The following UGT1A5 variants were observed in gnomAD, a reference collection of about 807,000 sequenced individuals.
The protein encoded by UGT1A5 is UDP glucuronosyltransferase family 1 member A5, also known as UDP-glucuronosyltransferase 1A5.
UGT1A5 carries 29 observed loss-of-function variants against 40.3 expected under a neutral mutation model. That is an observed-to-expected ratio of 0.72 (90% confidence interval 0.54 to 0.98). The LOEUF (loss-of-function observed/expected upper bound fraction) is 0.98, where lower values mean the gene tolerates loss of function less well. Ranked by LOEUF, UGT1A5 falls within the 50% of genes least tolerant of loss-of-function variation. The pLI is 0.00. For missense variants in UGT1A5, 678 were observed against 677.9 expected (o/e 1.00, Z 0.00); for synonymous variants, 257 against 262.5 (o/e 0.98, Z 0.20).
rs1692921739 is a variant in UGT1A5 at position 233,744,781 on chromosome 2, G to GA, written c.868-22248dup. Among the ~76,000 whole-genome samples the GA allele has an allele frequency of 2.0e-5, 3 of 151,856 alleles. No individual in the cohort carries two copies. The South Asian group carries it at 6.2e-4, about 31-fold the overall frequency. On this transcript the variant is annotated intron_variant, in intron 1 of 4. Coordinates refer to ENST00000373414, the MANE Select transcript of UGT1A5 (RefSeq NM_019078.2). ...AGTTTTAACTTTGCAAAATTCTCCTGAAAAATTCTTGGGGATCCCTAGGAT... is the reference window on the plus strand; with the variant it reads ...AGTTTTAACTTTGCAAAATTCTCCTGAAAAAATTCTTGGGGATCCCTAGGAT...
intron 1 of UGT1A5, among the ~76,000 whole-genome samples, chr2:233,762,298 G>A (rs1261319801): frequency 6.6e-6 from 1 of 152,140 alleles, no homozygotes; most frequent in Non-Finnish European, 1.5e-5. Flanking sequence ...TGCCAACCGA[G>A]GTCTAGTTAA....
chr2:233,762,111 A>T (rs899038640), intron 1 of UGT1A5, among the ~76,000 whole-genome samples: 1 of 152,200 alleles, frequency 6.6e-6, no homozygotes, highest in South Asian at 2.1e-4. Flanking sequence ...TGTCCGCTTC[A>T]CATCATGAGC....
intron 1 of UGT1A5, chr2:233,729,238 G>A: frequency 6.2e-7 from 1 of 1,614,214 alleles, no homozygotes; most frequent in Non-Finnish European, 8.5e-7. Flanking sequence ...GCCCATTGAT[G>A]GCAGCCACTG....
intron 1 of UGT1A5, chr2:233,718,874 C>A: frequency 6.2e-7 from 1 of 1,613,892 alleles, no homozygotes; most frequent in Non-Finnish European, 8.5e-7. Flanking sequence ...GACTGCTGCT[C>A]CTCCTCAGTG....
intron 1 of UGT1A5, chr2:233,747,175 C>T (rs1385775895): frequency 1.8e-5 from 28 of 1,599,104 alleles, no homozygotes; most frequent in South Asian, 8.9e-5. Context: ...GGAGGCACAG[C>T]GTGGGGTGGA....
intron 1 of UGT1A5, chr2:233,753,090 C>T (rs1182840596): frequency 2.0e-5 from 3 of 152,216 alleles, no homozygotes; most frequent in Non-Finnish European, 4.4e-5. Flanking sequence ...TATTCCTGAA[C>T]GGCTCCATAA....
At chr2:233,757,644 C>A (rs1202656622) in intron 1 of UGT1A5, among the ~76,000 whole-genome samples, 2 of 149,758 alleles carry the variant, frequency 1.3e-5, no homozygotes, top group African/African-American at 4.9e-5. Flanking sequence ...GAACAAAATG[C>A]TGTTTTTCTG....
intron 4 of UGT1A5, chr2:233,771,247 T>G (rs1205920576): frequency 6.6e-6 from 1 of 152,190 alleles, no homozygotes; most frequent in Non-Finnish European, 1.5e-5. Flanking sequence ...TAATTAGTCC[T>G]GAATAGGAGT....
intron 1 of UGT1A5, among the ~76,000 whole-genome samples, chr2:233,735,163 G>C (rs2078615776): frequency 7.0e-6 from 1 of 143,406 alleles, no homozygotes. Context: ...CTCTGTGTAG[G>C]TCTCTAAGAA....
intron 1 of UGT1A5, among the ~76,000 whole-genome samples, chr2:233,736,321 A>G (rs1202722197): frequency 6.6e-6 from 1 of 152,088 alleles, no homozygotes; most frequent in Non-Finnish European, 1.5e-5. Context: ...AATTTTGTGC[A>G]TGTGTTATGA....
intron 1 of UGT1A5, among the ~76,000 whole-genome samples, chr2:233,739,383 G>A (rs1385341432): frequency 6.6e-6 from 1 of 152,210 alleles, no homozygotes; most frequent in South Asian, 2.1e-4. Context: ...GTGCCTGGAA[G>A]AGCCACAGAC....
At chr2:233,764,892 GC>G (rs759147783) in intron 1 of UGT1A5, among the ~76,000 whole-genome samples, 77 of 150,328 alleles carry the variant, frequency 5.1e-4, no homozygotes, top group Non-Finnish European at 1.0e-3. Context: ...CAAAGACAAA[GC>G]CCTTAAGAGC....
At chr2:233,720,033 T>G (rs13401281) in intron 1 of UGT1A5, among the ~76,000 whole-genome samples, 61,071 of 151,978 alleles carry the variant, frequency 0.4, 13,005 homozygotes, top group African/African-American at 0.54. Context: ...TTTGCTTGCC[T>G]GATTTTCAGC....
chr2:233,713,159 C>T lies in UGT1A5; in HGVS notation c.168C>T (p.His56=), dbSNP rs2076285726. 1.9e-6 allele frequency: 3 copies of T among 1,614,192 alleles called. No individual in the cohort carries two copies. Among genetic ancestry groups the T allele is most frequent in the Middle Eastern group, 1.7e-4 (1 of 6,060 alleles). Reference sequence around the variant, plus strand: ...TGCGGGACCTCCATGCGAGAGGCCACCAGGTGGTGGTCCTCACCCTGGAGG... The same window carrying T: ...TGCGGGACCTCCATGCGAGAGGCCATCAGGTGGTGGTCCTCACCCTGGAGG... ...EALRDLHARG[H]QVVVLTLEVN... The change falls in exon 1 of 5, where the codon CAC becomes CAT. Residue 56 remains histidine, a synonymous_variant. Coordinates refer to ENST00000373414, the MANE Select transcript of UGT1A5 (RefSeq NM_019078.2).
rs1257445650 is a variant in UGT1A5, at chr2:233,733,217, A to G, written c.867+19359A>G. Among the ~76,000 whole-genome samples, 5 of 152,274 alleles carry G rather than the reference A, an allele frequency of 3.3e-5. 1 individual carries two copies. The highest frequency in any genetic ancestry group is 2.0e-4 in the Admixed American group (3 of 15,300). On this transcript the variant is annotated intron_variant, in intron 1 of 4. Coordinates refer to ENST00000373414, the MANE Select transcript of UGT1A5 (RefSeq NM_019078.2). ...CTTAAGGAGACTTTGGGCTGAGACA[A>G]TGGGGTTTTCTAAATATACAATCAT...
At position 233,713,375 on chromosome 2, in the gene UGT1A5, T is replaced by C; in HGVS notation, c.384T>C (p.Cys128=). ...TGTCTTTGATCATACATAGGTCTTG[T>C]GTGGAGCTACTGCATAATGAGGCCC... ...NNMSLIIHRS[C]VELLHNEALI... is the part of the protein sequence containing the mutation. Residue 128 remains cysteine, a synonymous_variant, in exon 1 of 5, where the codon TGT becomes TGC. Coordinates refer to ENST00000373414, the MANE Select transcript of UGT1A5 (RefSeq NM_019078.2). 1 of 1,614,192 alleles carries C rather than the reference T, an allele frequency of 6.2e-7. No homozygotes were observed. The highest frequency in any genetic ancestry group is 8.5e-7 in the Non-Finnish European group (1 of 1,180,030).
intron 1 of UGT1A5, chr2:233,755,307 C>T (rs547203505): frequency 5.2e-6 from 3 of 580,082 alleles, no homozygotes; most frequent in African/African-American, 1.9e-5. Context: ...ACTGGCACAG[C>T]GAGCGGCAAG....
chr2:233,747,371 C>T (rs757857857), intron 1 of UGT1A5: 1 of 1,604,152 alleles, frequency 6.2e-7, no homozygotes, highest in East Asian at 2.2e-5. Flanking sequence ...AGCTCCATGC[C>T]AGAGGCCACC....
intron 1 of UGT1A5, among the ~76,000 whole-genome samples, chr2:233,745,995 A>T (rs1224487934): frequency 1.3e-5 from 2 of 151,678 alleles, no homozygotes; most frequent in Non-Finnish European, 2.9e-5. Context: ...GCTGGGTCTG[A>T]GAGACAGTGG....
Sources: allele counts gnomAD v4.1 joint callset (sites outside exome capture counted in the v4.1 genomes callset), GRCh38; gene constraint gnomAD v4.1.1; transcripts MANE v1.5; gene names NCBI Gene and HGNC (gene_info 2026-07-23, HGNC 2026-07-21).